The following FAM89A variants were observed in gnomAD, a reference collection of about 807,000 sequenced individuals.
FAM89A encodes family with sequence similarity 89 member A.
Under a neutral mutation model 7.1 loss-of-function variants are expected in FAM89A, and 10 were observed. The observed-to-expected ratio is 1.40, with a 90% CI of 0.86 to 2.38. FAM89A has a LOEUF of 2.38. Among genes scored for constraint, FAM89A ranks in the 30% most tolerant of loss-of-function variants. The pLI is 0.00. For missense variants in FAM89A, 276 were observed against 262.8 expected (o/e 1.05, Z -0.35); for synonymous variants, 157 against 129.3 (o/e 1.21, Z -1.45).
At chr1:231,020,206 C>T (rs1338537926) in intron 1 of FAM89A, 80 bp from the exon 2 acceptor site, 3 of 1,385,866 alleles carry the variant, frequency 2.2e-6, no homozygotes, top group Admixed American at 2.4e-5. Context: ...AGCCGGCGAT[C>T]TGCGCCTGCC....
Position 231,033,386 on chromosome 1 carries a change from C to T in FAM89A, c.291+6535G>A, listed in dbSNP as rs151288494. 1.1e-3 allele frequency among the ~76,000 whole-genome samples: 175 copies of T among 152,316 alleles called. 2 individuals carry two copies. Among genetic ancestry groups the T allele is most frequent in the South Asian group, 0.011 (51 of 4,826 alleles). Reference sequence around the variant, plus strand: ...GTCTAAAGTCTCCATGGAGTTCCTGCAGGCATTCCCAGAGCGAAACTGCGA... The same window carrying T: ...GTCTAAAGTCTCCATGGAGTTCCTGTAGGCATTCCCAGAGCGAAACTGCGA... On this transcript the variant is annotated intron_variant, in intron 1 of 1. Coordinates refer to ENST00000366654, the MANE Select transcript of FAM89A (RefSeq NM_198552.3).
chr1:231,032,709 C>G (rs1680095683), intron 1 of FAM89A, among the ~76,000 whole-genome samples: 1 of 152,074 alleles, frequency 6.6e-6, no homozygotes, highest in South Asian at 2.1e-4. Flanking sequence ...TTAGGTTAAC[C>G]AAATCACCCA....
At position 231,039,988 on chromosome 1, in the gene FAM89A, C is replaced by A; in HGVS notation, c.224G>T (p.Arg75Leu). ...SRGGPGGGGA[R>L]AAALPAKPPN... ...AGGCTTGGCGGGCAGCGCTGCCGCC[C>A]GGGCCCCGCCGCCGCCCGGGCCCCC... The change falls in exon 1 of 2, where the codon CGG (arginine) becomes CTG (leucine). Residue 75 changes from arginine (R) to leucine (L), a missense_variant. By Grantham distance (102) the Arg-to-Leu change is moderately radical. Transcript: ENST00000366654. 2 of 1,380,972 alleles carry A rather than the reference C, an allele frequency of 1.4e-6. No homozygotes were observed. The highest frequency in any genetic ancestry group is 1.9e-6 in the Non-Finnish European group (2 of 1,074,424). 85.5% of individuals were successfully genotyped at this position (1,380,972 alleles called of 1,614,324 possible).
At chr1:231,027,561 C>T (rs1489826219) in intron 1 of FAM89A, among the ~76,000 whole-genome samples, 1 of 152,198 alleles carries the variant, frequency 6.6e-6, no homozygotes, top group Non-Finnish European at 1.5e-5. Context: ...TCTAAATCAG[C>T]TCGGAGGACA....
chr1:231,033,427 C>T (rs1224881910), intron 1 of FAM89A, among the ~76,000 whole-genome samples: 2 of 152,202 alleles, frequency 1.3e-5, no homozygotes, highest in Admixed American at 6.5e-5. Context: ...CCATCTGCAG[C>T]TTGGTGGGAG....
intron 1 of FAM89A, among the ~76,000 whole-genome samples, chr1:231,038,771 T>C (rs566314694): frequency 6.8e-6 from 1 of 148,048 alleles, no homozygotes; most frequent in East Asian, 1.9e-4. Flanking sequence ...TCAGAACAGA[T>C]AATGCTCCTG....
rs541131422 is a variant in FAM89A, at chr1:231,023,217, C to T, written c.292-3091G>A. Among the ~76,000 whole-genome samples, 7 of 152,358 alleles carry T rather than the reference C, an allele frequency of 4.6e-5. No homozygotes were observed. The South Asian group carries it at 8.3e-4, about 18-fold the overall frequency. On this transcript the variant is annotated intron_variant, in intron 1 of 1. Transcript: ENST00000366654. ...ACTTGGCTTTCTCATCCTTCCCAAC[C>T]CCGTGCCGTTTATTTCAGAAGCCCA... is the stretch of plus-strand genomic sequence containing the variant.
intron 1 of FAM89A, among the ~76,000 whole-genome samples, chr1:231,025,149 T>C (rs1327584058): frequency 2.6e-5 from 4 of 151,064 alleles, no homozygotes; most frequent in East Asian, 2.0e-4. Context: ...GTCTTGATCT[T>C]CTGACCTTGT....
Position 231,019,075 on chromosome 1 carries a change from T to G in FAM89A, c.*788A>C, listed in dbSNP as rs1679822738. 6.6e-6 allele frequency: 1 copy of G among 152,210 alleles called. No individual in the cohort carries two copies. 9.4% of individuals were successfully genotyped at this position (152,210 alleles called of 1,614,324 possible). On this transcript the variant is annotated 3_prime_UTR_variant, in exon 2 of 2. Coordinates refer to ENST00000366654, the MANE Select transcript of FAM89A (RefSeq NM_198552.3). ...CTGGTTTGAGTGGCGGGTGGTTTGC[T>G]TTCTAGCACACTAGTTTACATTCGG...
rs1680237708 is a variant in FAM89A, at chr1:231,040,156, A to G, written c.56T>C (p.Leu19Pro). 1 of 1,295,752 alleles carries G rather than the reference A, an allele frequency of 7.7e-7. No individual in the cohort carries two copies. The highest frequency in any genetic ancestry group is 2.1e-5 in the South Asian group (1 of 48,160). The allele number at this position is 1,295,752 out of a possible 1,614,324, so 80.3% of individuals were successfully genotyped here. The change falls in exon 1 of 2, where the codon CTG (leucine) becomes CCG (proline). Residue 19 changes from leucine to proline, a missense_variant. Coordinates refer to ENST00000366654, the MANE Select transcript of FAM89A (RefSeq NM_198552.3). ...CAGCGGGGGCAGCCCGTCCACCCGC[A>G]GCCCCCGGACCGCGCCGTTGCCCGC... is the stretch of plus-strand genomic sequence containing the variant. ...GAAGNGAVRG[L>P]RVDGLPPLPK...
At chr1:231,020,940 C>A (rs1679865412) in intron 1 of FAM89A, among the ~76,000 whole-genome samples, 1 of 152,204 alleles carries the variant, frequency 6.6e-6, no homozygotes, top group African/African-American at 2.4e-5. Flanking sequence ...TCGTTTACAC[C>A]AATACCAAAG....
chr1:231,033,534 G>A (rs1680109153), intron 1 of FAM89A, among the ~76,000 whole-genome samples: 1 of 152,160 alleles, frequency 6.6e-6, no homozygotes, highest in Non-Finnish European at 1.5e-5. Context: ...GTGAGACCAG[G>A]ACCCAGAGCA....
chr1:231,037,421 T>C (rs115443102), intron 1 of FAM89A, among the ~76,000 whole-genome samples: 3,382 of 152,292 alleles, frequency 0.022, 57 homozygotes, highest in African/African-American at 0.046. Context: ...ATCATCTTCC[T>C]TGACTCAGTA....
Position 231,024,914 on chromosome 1 carries a change from CTTTT to C in FAM89A, c.292-4792_292-4789del, listed in dbSNP as rs60500715. 8.4e-3 allele frequency among the ~76,000 whole-genome samples: 535 copies of C among 63,366 alleles called. 3 individuals carry two copies. The highest frequency in any genetic ancestry group is 0.03 in the African/African-American group (480 of 15,766). The allele number at this position is 63,366 out of a possible 152,430, so 41.6% of individuals were successfully genotyped here. A position where few individuals can be genotyped will look rare whatever the true frequency, so the allele number is the denominator to read the frequency against. On this transcript the variant is annotated intron_variant, in intron 1 of 1. Transcript: ENST00000366654. ...GGGTTCTGTTGCTACCACAACTACTCTTTTTTTTTTTTTTTTTTTTTTTTTTGAG... is the reference window on the plus strand; with the variant it reads ...GGGTTCTGTTGCTACCACAACTACTCTTTTTTTTTTTTTTTTTTTTTTGAG...
Position 231,019,920 on chromosome 1 carries a change from G to A in FAM89A, c.498C>T (p.Asp166=). The A allele has an allele frequency of 6.2e-7, 1 of 1,614,214 alleles. No homozygotes were observed. The highest frequency in any genetic ancestry group is 8.5e-7 in the Non-Finnish European group (1 of 1,180,046). The change falls in exon 2 of 2, where the codon GAC becomes GAT. Residue 166 remains aspartate, a synonymous_variant. Transcript: ENST00000366654. ...HDRRDRGPPR[D]LSLPVSSLSS... is the part of the protein sequence containing the mutation. ...AGAGGGAGGAGACAGGCAGTGACAA[G>A]TCCCGAGGAGGGCCTCGGTCCCTCC...
At chr1:231,031,626 C>T (rs1443888615) in intron 1 of FAM89A, among the ~76,000 whole-genome samples, 1 of 152,164 alleles carries the variant, frequency 6.6e-6, no homozygotes, top group African/African-American at 2.4e-5. Context: ...GTCCCCAGAC[C>T]ACACTTTGAA....
chr1:231,020,637 C>T (rs1679859651), intron 1 of FAM89A, among the ~76,000 whole-genome samples: 1 of 152,188 alleles, frequency 6.6e-6, no homozygotes, highest in South Asian at 2.1e-4. Context: ...GGAGCACCCA[C>T]CTCTGTGCAG....
rs566895316 is a variant in FAM89A, at chr1:231,020,258, C to T, written c.292-132G>A. On this transcript the variant is annotated intron_variant, in intron 1 of 1. Transcript: ENST00000366654. ...ACGGCGCATGATTCAGAGCATCACT[C>T]GGATGCTTTGGATTTCCAGTTTTGA... is the stretch of plus-strand genomic sequence containing the variant. The T allele has an allele frequency of 2.6e-5, 25 of 976,496 alleles. No homozygotes were observed. In the Admixed American group the frequency reaches 3.7e-4, roughly 15 times the overall value. The allele number at this position is 976,496 out of a possible 1,614,324, so 60.5% of individuals were successfully genotyped here. A position where few individuals can be genotyped will look rare whatever the true frequency, so the allele number is the denominator to read the frequency against.
At position 231,019,794 on chromosome 1, in the gene FAM89A, A is replaced by G. The variant is rs768948299; in HGVS notation, c.*69T>C. 3.2e-6 allele frequency: 5 copies of G among 1,538,684 alleles called. No individual in the cohort carries two copies. The highest frequency in any genetic ancestry group is 2.7e-5 in the African/African-American group (2 of 73,158). On this transcript the variant is annotated 3_prime_UTR_variant, in exon 2 of 2. Coordinates refer to ENST00000366654, the MANE Select transcript of FAM89A (RefSeq NM_198552.3). ...CAACGGAGGTGCTTTCTTGCAAGAG[A>G]AGCAGCAAATGATGACAGCGTGTCC...
Sources: gnomAD v4.1 joint callset for allele counts (sites outside exome capture counted in the v4.1 genomes callset) on GRCh38, gnomAD v4.1.1 for gene constraint, MANE v1.5 for transcripts, NCBI Gene and HGNC (gene_info 2026-07-23, HGNC 2026-07-21) for gene names.